MOSPD1: variants seen among roughly 807,000 people sequenced by gnomAD.
The protein encoded by MOSPD1 is motile sperm domain-containing protein 1.
MOSPD1 carries 5 observed loss-of-function variants against 16.7 expected under a neutral mutation model. The observed-to-expected ratio is 0.30, with a 90% CI of 0.16 to 0.63. MOSPD1 has a LOEUF of 0.63. MOSPD1 is among the 30% of genes least tolerant of loss of function. The probability of loss-of-function intolerance (pLI) is 0.82; values close to 1 mark genes in which losing one functional copy is unlikely to be tolerated. For missense variants in MOSPD1, 104 were observed against 153.6 expected (o/e 0.68, Z 1.71); for synonymous variants, 67 against 59.2 (o/e 1.13, Z -0.61).
chrX:134,891,706 CACTG>C, intron 4 of MOSPD1, 66 bp from the exon 5 acceptor site: 1 of 1,005,841 alleles, frequency 9.9e-7, no homozygotes, highest in Non-Finnish European at 1.4e-6. Flanking sequence ...CCTTCACAAA[CACTG>C]GCCACCACAG....
chrX:134,908,810 AT>A (rs1442073626), intron 1 of MOSPD1, among the ~76,000 whole-genome samples: 1 of 111,690 alleles, frequency 9.0e-6, no homozygotes, highest in Non-Finnish European at 1.9e-5. Context: ...GGTTTTTTCC[AT>A]TTTCCTCACT....
In MOSPD1 at chrX:134,888,277, T is replaced by C. The variant is rs1037069804; in HGVS notation, c.*884A>G. 1.8e-5 allele frequency: 2 copies of C among 112,390 alleles called. No homozygotes were observed. The highest frequency in any genetic ancestry group is 6.5e-5 in the African/African-American group (2 of 30,901). The allele number at this position is 112,390 out of a possible 1,213,427, so 9.3% of individuals were successfully genotyped here. A position where few individuals can be genotyped will look rare whatever the true frequency, so the allele number is the denominator to read the frequency against. On this transcript the variant is annotated 3_prime_UTR_variant, in exon 6 of 6. Transcript: ENST00000370783. Reference sequence around the variant, plus strand: ...ATAGCTATCAAGAGTTTCTTACACTTGGCTTAGAGTTTAAAGGTGAAAAAT... The same window carrying C: ...ATAGCTATCAAGAGTTTCTTACACTCGGCTTAGAGTTTAAAGGTGAAAAAT...
chrX:134,892,088 C>A (rs756597108), intron 4 of MOSPD1, among the ~76,000 whole-genome samples: 23 of 111,765 alleles, frequency 2.1e-4, no homozygotes, highest in Non-Finnish European at 3.9e-4. Context: ...TCCAGTACCC[C>A]AGTGGCTTGC....
In MOSPD1 at chrX:134,890,617, T is replaced by C. The variant is rs2082857971; in HGVS notation, c.610+862A>G. Reference sequence around the variant, plus strand: ...TGAGGTCGGGAGTTCGAGACCACCCTGACCAACATGGAGAAACCCCATCTC... The same window carrying C: ...TGAGGTCGGGAGTTCGAGACCACCCCGACCAACATGGAGAAACCCCATCTC... On this transcript the variant is annotated intron_variant, in intron 5 of 5. Transcript: ENST00000370783. 2.7e-5 allele frequency among the ~76,000 whole-genome samples: 3 copies of C among 110,610 alleles called. No individual in the cohort carries two copies. The Admixed American group carries it at 2.9e-4, about 11-fold the overall frequency.
chrX:134,901,279 G>C, intron 1 of MOSPD1, among the ~76,000 whole-genome samples: 3 of 111,840 alleles, frequency 2.7e-5, no homozygotes, highest in Middle Eastern at 4.6e-3. Flanking sequence ...TATTATAATA[G>C]ATACTTATAA....
In MOSPD1 at chrX:134,909,164, G is replaced by C. The variant is rs59804237; in HGVS notation, c.-102+6018C>G. On this transcript the variant is annotated intron_variant, in intron 1 of 5. Transcript: ENST00000370783. The stretch of plus-strand genomic sequence containing the variant: ...CGGGTGCCTGTAGTCCCAGCTACTC[G>C]GGAGGCTGAGGCAGGAGAATGGCGT... Among the ~76,000 whole-genome samples, 3 of 108,862 alleles carry C rather than the reference G, an allele frequency of 2.8e-5. No homozygotes were observed. The Admixed American group carries it at 2.9e-4, about 11-fold the overall frequency. The allele number at this position is 108,862 out of a possible 115,157, so 94.5% of individuals were successfully genotyped here.
chrX:134,903,844 G>C (rs376834694), intron 1 of MOSPD1, among the ~76,000 whole-genome samples: 3 of 110,923 alleles, frequency 2.7e-5, no homozygotes, highest in East Asian at 5.6e-4. Flanking sequence ...TTTGAGACCA[G>C]CCTGGCCAAC....
In MOSPD1 at chrX:134,890,550, T is replaced by G. The variant is rs193278707; in HGVS notation, c.610+929A>C. ...GCGGCCAGGTGTGGTGGCTCACGCC[T>G]GTAATCCTAGCACTTTGGGAGGCTG... On this transcript the variant is annotated intron_variant, in intron 5 of 5. Coordinates refer to ENST00000370783, the MANE Select transcript of MOSPD1 (RefSeq NM_019556.3). Among the ~76,000 whole-genome samples the G allele has an allele frequency of 1.9e-4, 21 of 111,158 alleles. No individual in the cohort carries two copies. The Admixed American group carries it at 1.9e-3, about 10-fold the overall frequency.
At chrX:134,907,714 A>G (rs1426495592) in intron 1 of MOSPD1, among the ~76,000 whole-genome samples, 1 of 112,648 alleles carries the variant, frequency 8.9e-6, no homozygotes, top group Non-Finnish European at 1.9e-5. Flanking sequence ...AAAACACAAA[A>G]AAATTAGCTG....
At chrX:134,892,868 G>A (rs1311646290) in intron 4 of MOSPD1, among the ~76,000 whole-genome samples, 1 of 111,044 alleles carries the variant, frequency 9.0e-6, no homozygotes, top group Non-Finnish European at 1.9e-5. Flanking sequence ...CTTCAGCCTG[G>A]GTGACAGAGC....
chrX:134,898,003 G>T (rs1267376205), intron 3 of MOSPD1, among the ~76,000 whole-genome samples: 1 of 110,525 alleles, frequency 9.0e-6, no homozygotes, highest in Non-Finnish European at 1.9e-5. Context: ...CAAGTAGCTG[G>T]GATTACAGGC....
intron 5 of MOSPD1, among the ~76,000 whole-genome samples, chrX:134,890,583 C>T (rs185433629): frequency 2.3e-4 from 25 of 110,528 alleles, no homozygotes; most frequent in African/African-American, 7.6e-4. Context: ...CTGAGTTGGG[C>T]GGATCACCTG....
At chrX:134,899,206 T>C (rs2082900235) in intron 2 of MOSPD1, 41 bp from the exon 3 acceptor site, 1 of 1,173,303 alleles carries the variant, frequency 8.5e-7, no homozygotes, top group African/African-American at 1.8e-5. Flanking sequence ...GTTTTTTTTT[T>C]TTAATTAGTT....
intron 1 of MOSPD1, among the ~76,000 whole-genome samples, chrX:134,900,494 G>A (rs750195558): frequency 8.9e-6 from 1 of 111,844 alleles, no homozygotes; most frequent in South Asian, 3.7e-4. Context: ...TGTGAAGTCA[G>A]TAAGTAGGGC....
chrX:134,914,612 C>T (rs2082989085), intron 1 of MOSPD1, among the ~76,000 whole-genome samples: 1 of 112,023 alleles, frequency 8.9e-6, no homozygotes, highest in African/African-American at 3.2e-5. Context: ...TTCGCTCTCC[C>T]CTCCCCGCCT....
chrX:134,915,015 C>T lies in MOSPD1; in HGVS notation c.-102+167G>A, dbSNP rs760825539. 6.2e-5 allele frequency among the ~76,000 whole-genome samples: 7 copies of T among 113,427 alleles called. No individual in the cohort carries two copies. In the Admixed American group the frequency reaches 6.5e-4, roughly 10 times the overall value. ...GGAAAGGATCCCCTCCGTCTCCTCC[C>T]CGCCGCCCACCCGCATCCCGGCGCC... is the stretch of plus-strand genomic sequence containing the variant. On this transcript the variant is annotated intron_variant, in intron 1 of 5. Transcript: ENST00000370783.
intron 1 of MOSPD1, among the ~76,000 whole-genome samples, chrX:134,905,575 T>C (rs890300750): frequency 1.6e-4 from 17 of 105,659 alleles, no homozygotes; most frequent in African/African-American, 5.6e-4. Context: ...AAAAAAAAAA[T>C]TAAGTAACAA....
At chrX:134,906,894 C>T (rs904895276) in intron 1 of MOSPD1, among the ~76,000 whole-genome samples, 1 of 111,381 alleles carries the variant, frequency 9.0e-6, no homozygotes, top group African/African-American at 3.3e-5. Flanking sequence ...GGTCTCCAGG[C>T]TTCCACTTCC....
intron 1 of MOSPD1, among the ~76,000 whole-genome samples, chrX:134,907,182 C>A (rs747389171): frequency 9.0e-6 from 1 of 110,668 alleles, no homozygotes; most frequent in Non-Finnish European, 1.9e-5. Flanking sequence ...GAGCCGAGAT[C>A]GCACTACTGC....
Sources: allele counts gnomAD v4.1 joint callset (sites outside exome capture counted in the v4.1 genomes callset), GRCh38; gene constraint gnomAD v4.1.1; transcripts MANE v1.5; gene names NCBI Gene and HGNC (gene_info 2026-07-23, HGNC 2026-07-21).